Variants in CPNE5 observed in about 807,000 individuals in gnomAD.
CPNE5 encodes the protein copine-5.
A neutral mutation model predicts 81.1 loss-of-function variants in CPNE5; 42 were observed. The ratio of observed to expected loss-of-function variants is 0.52; its 90% CI spans 0.40 to 0.67. CPNE5 has a LOEUF of 0.67. Ranked by LOEUF, CPNE5 falls within the 30% of genes least tolerant of loss-of-function variation. The pLI, the probability that CPNE5 is intolerant of heterozygous loss-of-function variation, is 0.00. For synonymous variants in CPNE5, 313 were observed against 321.5 expected, an observed-to-expected ratio of 0.97 and a Z score of 0.28; for missense variants, 612 against 815.5, an observed-to-expected ratio of 0.75 and a Z score of 3.04.
chr6:36,837,094 A>T (rs985687500), intron 1 of CPNE5, among the ~76,000 whole-genome samples: 1 of 152,236 alleles, frequency 6.6e-6, no homozygotes, highest in Non-Finnish European at 1.5e-5. Context: ...AGCAAACAGG[A>T]GGGGCCAGGT....
chr6:36,767,874 T>C (rs990401785), intron 10 of CPNE5, among the ~76,000 whole-genome samples: 1 of 152,202 alleles, frequency 6.6e-6, no homozygotes, highest in Non-Finnish European at 1.5e-5. Context: ...TCAAACTTGG[T>C]TGCAATTTGG....
chr6:36,793,297 G>A (rs1769262613), intron 7 of CPNE5, among the ~76,000 whole-genome samples: 1 of 152,148 alleles, frequency 6.6e-6, no homozygotes, highest in Non-Finnish European at 1.5e-5. Flanking sequence ...CAAATCAGGT[G>A]AGCAGAGCGG....
At chr6:36,775,358 G>A (rs189056715) in intron 9 of CPNE5, among the ~76,000 whole-genome samples, 51 of 152,324 alleles carry the variant, frequency 3.3e-4, no homozygotes, top group African/African-American at 1.2e-3. Flanking sequence ...CCACCTCACC[G>A]TGTGACCTTG....
At chr6:36,832,889 AG>A (rs1402458496) in intron 1 of CPNE5, among the ~76,000 whole-genome samples, 2 of 152,048 alleles carry the variant, frequency 1.3e-5, no homozygotes, top group African/African-American at 4.8e-5. Context: ...CTGGGAAAGG[AG>A]GGATGGTAAA....
intron 9 of CPNE5, among the ~76,000 whole-genome samples, chr6:36,777,763 C>CTG (rs1767654853): frequency 1.2e-5 from 1 of 82,238 alleles, no homozygotes; most frequent in East Asian, 3.1e-4. Flanking sequence ...ACCCCCCCCC[C>CTG]CACCACACAC....
At chr6:36,797,511 G>A (rs966385583) in intron 6 of CPNE5, among the ~76,000 whole-genome samples, 2 of 152,212 alleles carry the variant, frequency 1.3e-5, no homozygotes, top group African/African-American at 4.8e-5. Flanking sequence ...TACAGGCAAG[G>A]GCCCTGCCCC....
rs1199349922 is a variant in CPNE5, at chr6:36,741,357, G to A, written c.*911C>T. The stretch of plus-strand genomic sequence containing the variant: ...CTTGGGTTCCCACATTAGGCAGTGG[G>A]GGGAGGCAGGGCTCAAACCCAGGAC... On this transcript the variant is annotated 3_prime_UTR_variant, in exon 21 of 21. Transcript: ENST00000244751. The A allele has an allele frequency of 6.6e-6, 1 of 152,240 alleles. No individual in the cohort carries two copies. The highest frequency in any genetic ancestry group is 1.5e-5 in the Non-Finnish European group (1 of 68,054). The allele number at this position is 152,240 out of a possible 1,614,324, so 9.4% of individuals were successfully genotyped here. A position where few individuals can be genotyped will look rare whatever the true frequency, so the allele number is the denominator to read the frequency against.
chr6:36,794,528 C>A, intron 7 of CPNE5, 62 bp downstream of exon 7: 1 of 1,487,032 alleles, frequency 6.7e-7, no homozygotes, highest in South Asian at 1.1e-5. Context: ...ACTCTGAGGC[C>A]CCCTTTGCAG....
chr6:36,773,736 G>A (rs1377653152), intron 10 of CPNE5, among the ~76,000 whole-genome samples: 2 of 152,188 alleles, frequency 1.3e-5, no homozygotes, highest in Non-Finnish European at 2.9e-5. Flanking sequence ...CAGGTTGACA[G>A]TGCTTTTTGG....
upstream of CPNE5, chr6:36,839,559 G>A (rs1773844667): frequency 7.9e-6 from 4 of 508,432 alleles, no homozygotes; most frequent in South Asian, 6.3e-5. This position sits in a 1 kb window ranked among gnomAD's most constrained non-coding sequence, Gnocchi z 7.3. Flanking sequence ...GAGGGAGCGG[G>A]GGCCGCGGAT....
intron 2 of CPNE5, among the ~76,000 whole-genome samples, chr6:36,822,388 T>C (rs947718554): frequency 2.6e-5 from 4 of 151,170 alleles, no homozygotes; most frequent in Non-Finnish European, 5.9e-5. Context: ...CTGGACAGGG[T>C]TGTAGATGCA....
At chr6:36,837,740 C>G (rs1386465444) in intron 1 of CPNE5, among the ~76,000 whole-genome samples, 1 of 151,956 alleles carries the variant, frequency 6.6e-6, no homozygotes, top group African/African-American at 2.4e-5. Context: ...AGAGTGAAAT[C>G]TGGATGGGGA....
At chr6:36,811,997 G>C (rs1402537445) in intron 3 of CPNE5, among the ~76,000 whole-genome samples, 1 of 152,132 alleles carries the variant, frequency 6.6e-6, no homozygotes, top group African/African-American at 2.4e-5. Flanking sequence ...CTAGTTACTC[G>C]GGAGGCTGAG....
At chr6:36,744,365 A>G (rs1490863043) in intron 18 of CPNE5, 40 bp from the exon 19 acceptor site, 8 of 1,508,190 alleles carry the variant, frequency 5.3e-6, no homozygotes, top group South Asian at 2.4e-5. Context: ...GTTGGACCCA[A>G]TTGGGACCCA....
At chr6:36,787,096 C>T (rs1230333353) in intron 8 of CPNE5, among the ~76,000 whole-genome samples, 3 of 152,266 alleles carry the variant, frequency 2.0e-5, no homozygotes, top group East Asian at 3.9e-4. Flanking sequence ...CACGACTCTC[C>T]TATGTATCAA....
chr6:36,796,882 G>C (rs1769629198), intron 6 of CPNE5, among the ~76,000 whole-genome samples: 1 of 152,074 alleles, frequency 6.6e-6, no homozygotes. Flanking sequence ...ATCTGGAAGA[G>C]AGACCACACA....
At position 36,746,692 on chromosome 6, in the gene CPNE5, C is replaced by G. The variant is rs1231249831; in HGVS notation, c.1019-115G>C. The G allele has an allele frequency of 1.2e-6, 1 of 835,990 alleles. No homozygotes were observed. The highest frequency in any genetic ancestry group is 1.8e-5 in the African/African-American group (1 of 55,800). 51.8% of individuals were successfully genotyped at this position (835,990 alleles called of 1,614,324 possible). A position where few individuals can be genotyped will look rare whatever the true frequency, so the allele number is the denominator to read the frequency against. Reference sequence around the variant, plus strand: ...CCTAACTTTTATTAATTCTTGACTCCTCTCTTTCTCTCATACCCCATGTTA... The same window carrying G: ...CCTAACTTTTATTAATTCTTGACTCGTCTCTTTCTCTCATACCCCATGTTA... On this transcript the variant is annotated intron_variant, in intron 15 of 20. Transcript: ENST00000244751. This position sits in a 1 kb window ranked among gnomAD's most constrained non-coding sequence, Gnocchi z 4.5.
At chr6:36,750,234 C>T (rs1207189942) in intron 14 of CPNE5, among the ~76,000 whole-genome samples, 1 of 152,188 alleles carries the variant, frequency 6.6e-6, no homozygotes, top group Admixed American at 6.5e-5. Context: ...CAGAAGGTGC[C>T]TATCAGAAAC....
rs147949131 is a variant in CPNE5 at position 36,787,484 on chromosome 6, C to T, written c.528+4549G>A. ...TCTCCCACCTGTCTATATATATTGG[C>T]ATATTACATAGTATCTACACATTTT... On this transcript the variant is annotated intron_variant, in intron 8 of 20. Transcript: ENST00000244751. 3.2e-4 allele frequency among the ~76,000 whole-genome samples: 48 copies of T among 151,778 alleles called. No individual in the cohort carries two copies. In the Middle Eastern group the frequency reaches 0.01, roughly 32 times the overall value.
Sources: allele counts gnomAD v4.1 joint callset (sites outside exome capture counted in the v4.1 genomes callset), GRCh38; gene constraint gnomAD v4.1.1; non-coding constraint Gnocchi (gnomAD v3.1); transcripts MANE v1.5; gene names NCBI Gene and HGNC (gene_info 2026-07-23, HGNC 2026-07-21).